SPIRE2: variants seen among roughly 807,000 people sequenced by gnomAD.
SPIRE2 encodes the protein spire type actin nucleation factor 2.
Under a neutral mutation model 80.7 loss-of-function variants are expected in SPIRE2, and 76 were observed. That is an observed-to-expected ratio of 0.94 (90% CI 0.78 to 1.14). The LOEUF is 1.14. Among genes scored for constraint, SPIRE2 ranks in the 50% most tolerant of loss-of-function variants. The pLI is 0.00. For missense variants in SPIRE2, 1,196 were observed against 1,015.3 expected (o/e 1.18, Z -2.42); for synonymous variants, 535 against 432.6 (o/e 1.24, Z -2.94).
At chr16:89,837,677 C>G (rs189883087) in intron 1 of SPIRE2, among the ~76,000 whole-genome samples, 1 of 151,416 alleles carries the variant, frequency 6.6e-6, no homozygotes, top group South Asian at 2.1e-4. Context: ...ACACGCCTCC[C>G]GGACTCGGGT....
intron 7 of SPIRE2, among the ~76,000 whole-genome samples, chr16:89,857,679 TC>T (rs1446181987): frequency 5.9e-5 from 9 of 151,594 alleles, no homozygotes; most frequent in Non-Finnish European, 1.3e-4. Flanking sequence ...CAAGCGATTC[TC>T]CTGCCTCAGC....
intron 9 of SPIRE2, among the ~76,000 whole-genome samples, chr16:89,860,099 G>C (rs2041729422): frequency 6.6e-6 from 1 of 152,192 alleles, no homozygotes; most frequent in African/African-American, 2.4e-5. Flanking sequence ...GCTCCAGTGT[G>C]AGGTGTGGAC....
rs555279327 is a variant in SPIRE2 at position 89,859,766 on chromosome 16, G to A, written c.1462+412G>A. ...GCCGTGATTCCTTCGACTCCTTTTC[G>A]CGCTGCTGAGCACAGAACGATTCTT... On this transcript the variant is annotated intron_variant, in intron 9 of 14. Coordinates refer to ENST00000378247, the MANE Select transcript of SPIRE2 (RefSeq NM_032451.2). 1.3e-4 allele frequency among the ~76,000 whole-genome samples: 20 copies of A among 152,132 alleles called. No homozygotes were observed. The South Asian group carries it at 2.9e-3, about 22-fold the overall frequency.
At chr16:89,847,486 C>T (rs367978502) in intron 2 of SPIRE2, among the ~76,000 whole-genome samples, 76 of 152,318 alleles carry the variant, frequency 5.0e-4, no homozygotes, top group African/African-American at 1.6e-3. Context: ...GGGGGCCTGC[C>T]GTGGTACATC....
At chr16:89,864,563 C>T (rs1282364289) in intron 12 of SPIRE2, among the ~76,000 whole-genome samples, 1 of 152,164 alleles carries the variant, frequency 6.6e-6, no homozygotes, top group Non-Finnish European at 1.5e-5. Flanking sequence ...TTCCCTTGTT[C>T]TAAAGATCTG....
chr16:89,848,544 G>C (rs1445856994), intron 2 of SPIRE2, among the ~76,000 whole-genome samples: 2 of 146,982 alleles, frequency 1.4e-5, no homozygotes, highest in African/African-American at 4.9e-5. Context: ...CTGCAGGACA[G>C]ACGAGGCAGG....
chr16:89,860,497 G>T (rs2041733181), intron 9 of SPIRE2, among the ~76,000 whole-genome samples, 186 bp from the exon 10 acceptor site: 1 of 152,032 alleles, frequency 6.6e-6, no homozygotes, highest in Non-Finnish European at 1.5e-5. Flanking sequence ...CTAGGCTCAA[G>T]GTTCCACCCG....
At chr16:89,854,980 C>T (rs2041675919) in intron 5 of SPIRE2, among the ~76,000 whole-genome samples, 1 of 152,064 alleles carries the variant, frequency 6.6e-6, no homozygotes, top group Non-Finnish European at 1.5e-5. Context: ...GCTCTGTCGC[C>T]CAGGCTGGAG....
chr16:89,850,699 G>A, intron 3 of SPIRE2, 39 bp downstream of exon 3: 3 of 1,374,014 alleles, frequency 2.2e-6, no homozygotes, highest in Non-Finnish European at 2.9e-6. Flanking sequence ...GGGTCCGGGA[G>A]GCCAGGGAGG....
chr16:89,850,653 C>T lies in SPIRE2; in HGVS notation c.638C>T (p.Ala213Val). ...GCCTTCCTGGCCAGGGTCCGGGAGGCCAAGGAGGTGAGCGGTGGGTGGGGG... is the reference window on the plus strand; with the variant it reads ...GCCTTCCTGGCCAGGGTCCGGGAGGTCAAGGAGGTGAGCGGTGGGTGGGGG... ...LRAFLARVREAKEMLQKLRED... is the reference protein window; with the variant it reads ...LRAFLARVREVKEMLQKLRED... The change falls in exon 3 of 15, where the codon GCC becomes GTC. Residue 213 changes from alanine (A) to valine (V), a missense_variant. Transcript: ENST00000378247. 2 of 1,493,092 alleles carry T rather than the reference C, an allele frequency of 1.3e-6. No individual in the cohort carries two copies. The highest frequency in any genetic ancestry group is 1.8e-6 in the Non-Finnish European group (2 of 1,128,024). 92.5% of individuals were successfully genotyped at this position (1,493,092 alleles called of 1,614,324 possible). A position where few individuals can be genotyped will look rare whatever the true frequency, so the allele number is the denominator to read the frequency against.
intron 1 of SPIRE2, among the ~76,000 whole-genome samples, chr16:89,834,258 G>T (rs2041418850): frequency 7.3e-6 from 1 of 136,878 alleles, no homozygotes; most frequent in Non-Finnish European, 1.6e-5. Flanking sequence ...GATAAGCATA[G>T]CCCGTGTGAA....
Position 89,854,302 on chromosome 16 carries a change from G to A in SPIRE2, c.662G>A (p.Arg221Gln), listed in dbSNP as rs544986125. 1.4e-5 allele frequency: 23 copies of A among 1,612,142 alleles called. No individual in the cohort carries two copies. The highest frequency in any genetic ancestry group is 4.4e-5 in the South Asian group (4 of 91,014). ...REAKEMLQKL[R>Q]EDEPHLETPR... Reference sequence around the variant, plus strand: ...TGGTCACAGATGCTGCAGAAGCTTCGGGAGGACGAGCCGCATCTGGAGACG... The same window carrying A: ...TGGTCACAGATGCTGCAGAAGCTTCAGGAGGACGAGCCGCATCTGGAGACG... Residue 221 changes from arginine to glutamine, a missense_variant, in exon 4 of 15, where the codon CGG becomes CAG. Coordinates refer to ENST00000378247, the MANE Select transcript of SPIRE2 (RefSeq NM_032451.2).
At chr16:89,838,628 A>T (rs2041474128) in intron 1 of SPIRE2, among the ~76,000 whole-genome samples, 2 of 152,160 alleles carry the variant, frequency 1.3e-5, no homozygotes, top group South Asian at 4.1e-4. Context: ...CCCCACCCTG[A>T]ATTCTAAGAC....
At position 89,828,848 on chromosome 16, in the gene SPIRE2, C is replaced by G; in HGVS notation, c.244+54C>G. ...GGACCGCGGTCTGGGGCGTCCGTCC[C>G]GCCCCCTGGGTGGGGGTGGTCCCGG... On this transcript the variant is annotated intron_variant, in intron 1 of 14. Transcript: ENST00000378247. The surrounding 1 kb of genome is among the most constrained non-coding windows in gnomAD (Gnocchi z 5.9). 1.7e-6 allele frequency: 2 copies of G among 1,162,858 alleles called. No individual in the cohort carries two copies. The highest frequency in any genetic ancestry group is 2.1e-6 in the Non-Finnish European group (2 of 941,914). The allele number at this position is 1,162,858 out of a possible 1,614,324, so 72.0% of individuals were successfully genotyped here. A position where few individuals can be genotyped will look rare whatever the true frequency, so the allele number is the denominator to read the frequency against.
intron 3 of SPIRE2, 30 bp downstream of exon 3, chr16:89,850,690 G>T (rs940279408): frequency 1.8e-5 from 25 of 1,411,588 alleles, no homozygotes; most frequent in Non-Finnish European, 1.9e-5. Context: ...GACCGTGGAG[G>T]GTCCGGGAGG....
rs559581672 is a variant in SPIRE2 at position 89,848,398 on chromosome 16, T to C, written c.289-1906T>C. ...GGCTGGGGCTCCACTCCCACTGATA[T>C]ACTTCCCACCAGTGCCCTTGCAGGT... On this transcript the variant is annotated intron_variant, in intron 2 of 14. Coordinates refer to ENST00000378247, the MANE Select transcript of SPIRE2 (RefSeq NM_032451.2). Among the ~76,000 whole-genome samples, 4 of 152,382 alleles carry C rather than the reference T, an allele frequency of 2.6e-5. No individual in the cohort carries two copies. In the South Asian group the frequency reaches 8.3e-4, roughly 32 times the overall value.
At chr16:89,861,013 G>T (rs938978531) in intron 10 of SPIRE2, among the ~76,000 whole-genome samples, 1 of 152,128 alleles carries the variant, frequency 6.6e-6, no homozygotes. Context: ...GGGCCGAACC[G>T]CACTGCACTG....
intron 1 of SPIRE2, among the ~76,000 whole-genome samples, chr16:89,834,818 G>A (rs1280639042): frequency 1.5e-5 from 2 of 137,792 alleles, no homozygotes; most frequent in Admixed American, 7.1e-5. Flanking sequence ...GCCCGCATTC[G>A]CGGTTGGCCG....
intron 1 of SPIRE2, among the ~76,000 whole-genome samples, chr16:89,837,283 G>T (rs111704217): frequency 1.4e-4 from 22 of 152,284 alleles, no homozygotes; most frequent in African/African-American, 5.1e-4. Context: ...ACCCTCAGGG[G>T]ACTCGGATGG....
Sources: gnomAD v4.1 joint callset for allele counts (sites outside exome capture counted in the v4.1 genomes callset) on GRCh38, gnomAD v4.1.1 for gene constraint, Gnocchi (gnomAD v3.1) non-coding constraint, MANE v1.5 for transcripts, NCBI Gene and HGNC (gene_info 2026-07-23, HGNC 2026-07-21) for gene names.